The following ASB6 variants were observed in gnomAD, a reference collection of about 807,000 sequenced individuals.
ASB6 encodes the protein ankyrin repeat and SOCS box protein 6.
In ASB6, 24 loss-of-function variants were observed where a neutral mutation model predicts 28.6. The observed-to-expected ratio is 0.84, with a 90% CI of 0.61 to 1.18. The LOEUF (loss-of-function observed/expected upper bound fraction) is 1.18. Ranked by LOEUF, ASB6 falls within the 50% of genes most tolerant of loss-of-function variation. The pLI is 0.00. For missense variants in ASB6, 519 were observed against 559.8 expected, an observed-to-expected ratio of 0.93 and a Z score of 0.74; for synonymous variants, 267 against 243.4, an observed-to-expected ratio of 1.10 and a Z score of -0.90.
In ASB6 at chr9:129,641,799, G is replaced by C. The variant is rs1396285680; in HGVS notation, c.113+88C>G. On this transcript the variant is annotated intron_variant, in intron 1 of 5. Transcript: ENST00000277458. Reference sequence around the variant, plus strand: ...CGTCCCTTCCTCTGTCAAGGGGGACGCATCCACCCCGCCCGGCTTGTGGTG... The same window carrying C: ...CGTCCCTTCCTCTGTCAAGGGGGACCCATCCACCCCGCCCGGCTTGTGGTG... 3.1e-6 allele frequency: 4 copies of C among 1,304,618 alleles called. No homozygotes were observed. The African/African-American group carries it at 4.7e-5, about 15-fold the overall frequency. The allele number at this position is 1,304,618 out of a possible 1,614,324, so 80.8% of individuals were successfully genotyped here.
At position 129,635,294 on chromosome 9, in the gene ASB6, A is replaced by G. The variant is rs1319090416; in HGVS notation, c.*2496T>C. On this transcript the variant is annotated 3_prime_UTR_variant, in exon 6 of 6. Coordinates refer to ENST00000277458, the MANE Select transcript of ASB6 (RefSeq NM_017873.4). ...CAACGGCATCATCGTCATCAAAGACAACATGGCCCAGGAGGGCGTGATTCT... is the reference window on the plus strand; with the variant it reads ...CAACGGCATCATCGTCATCAAAGACGACATGGCCCAGGAGGGCGTGATTCT... 1.2e-6 allele frequency: 2 copies of G among 1,613,788 alleles called. No individual in the cohort carries two copies. The highest frequency in any genetic ancestry group is 1.7e-6 in the Non-Finnish European group (2 of 1,180,022).
At position 129,639,429 on chromosome 9, in the gene ASB6, G is replaced by T; in HGVS notation, c.375C>A (p.His125Gln). 1 of 1,613,490 alleles carries T rather than the reference G, an allele frequency of 6.2e-7. No homozygotes were observed. The highest frequency in any genetic ancestry group is 8.5e-7 in the Non-Finnish European group (1 of 1,179,602). ...GGTCCCTCCGATTAACGTCGGCCCC[G>T]TGATGCACCAGCAGCTCCACCATGT... is the stretch of plus-strand genomic sequence containing the variant. The part of the protein sequence containing the change: ...QPDMVELLVH[H>Q]GADVNRRDRI... Residue 125 changes from histidine to glutamine, a missense_variant, in exon 3 of 6, where the codon CAC becomes CAA. Physicochemically the swap from His to Gln is conservative, Grantham distance 24. Coordinates refer to ENST00000277458, the MANE Select transcript of ASB6 (RefSeq NM_017873.4).
In ASB6 at chr9:129,637,852, G is replaced by A; in HGVS notation, c.1204C>T (p.Pro402Ser). 2 of 1,529,828 alleles carry A rather than the reference G, an allele frequency of 1.3e-6. No homozygotes were observed. The highest frequency in any genetic ancestry group is 1.8e-6 in the Non-Finnish European group (2 of 1,139,296). The allele number at this position is 1,529,828 out of a possible 1,614,324, so 94.8% of individuals were successfully genotyped here. A position where few individuals can be genotyped will look rare whatever the true frequency, so the allele number is the denominator to read the frequency against. The change falls in exon 6 of 6, where the codon CCC (proline) becomes TCC (serine). Residue 402 changes from proline to serine, a missense_variant. Physicochemically the swap from Pro to Ser is moderately conservative, Grantham distance 74 (BLOSUM62 -1). Transcript: ENST00000277458. ...AGGAGGTACCACTTCAGCCTGTCGG[G>A]CAGAGGCAGGGCTTTGACCTTCACA... ...VDVKVKALPL[P>S]DRLKWYLLSE...
Position 129,638,613 on chromosome 9 carries a change from C to A in ASB6, c.558G>T (p.Gln186His), listed in dbSNP as rs1831617037. The change falls in exon 5 of 6, where the codon CAG becomes CAT. Residue 186 changes from glutamine to histidine, a missense_variant. Transcript: ENST00000277458. ...GACGAATGTTCTCAGTATTGTGGAT[C>A]TGCACCCCGTCGCTGCTGGCCAGAG... ...LHALASSDGV[Q>H]IHNTENIRLL... 6.2e-7 allele frequency: 1 copy of A among 1,613,846 alleles called. No individual in the cohort carries two copies. The highest frequency in any genetic ancestry group is 8.5e-7 in the Non-Finnish European group (1 of 1,179,940).
In ASB6 at chr9:129,635,466, C is replaced by G. The variant is rs762457236; in HGVS notation, c.*2324G>C. The G allele has an allele frequency of 5.0e-6, 8 of 1,603,128 alleles. No individual in the cohort carries two copies. The South Asian group carries it at 8.8e-5, about 18-fold the overall frequency. On this transcript the variant is annotated 3_prime_UTR_variant, in exon 6 of 6. Coordinates refer to ENST00000277458, the MANE Select transcript of ASB6 (RefSeq NM_017873.4). ...GTCTATAGCTTTGCCCTGAGATGAGCCGGGGCTGGCAGGAGAAACTGAGGA... is the reference window on the plus strand; with the variant it reads ...GTCTATAGCTTTGCCCTGAGATGAGGCGGGGCTGGCAGGAGAAACTGAGGA...
At position 129,638,003 on chromosome 9, in the gene ASB6, C is replaced by T; in HGVS notation, c.1053G>A (p.Val351=). 2 of 1,613,026 alleles carry T rather than the reference C, an allele frequency of 1.2e-6. No individual in the cohort carries two copies. The highest frequency in any genetic ancestry group is 8.5e-7 in the Non-Finnish European group (1 of 1,179,438). The change falls in exon 6 of 6, where the codon GTG becomes GTA. Residue 351 remains valine (V), a synonymous_variant. Transcript: ENST00000277458. Reference sequence around the variant, plus strand: ...CCTGGATCTTTTCCGCCAGGCTGCCCACAGGGTGGATATCGAAGTTTTCGG... The same window carrying T: ...CCTGGATCTTTTCCGCCAGGCTGCCTACAGGGTGGATATCGAAGTTTTCGG... The part of the protein sequence containing the change: ...QLPENFDIHP[V]GSLAEKIQAL...
At chr9:129,640,814 C>T in intron 1 of ASB6, 92 bp from the exon 2 acceptor site, 2 of 1,458,776 alleles carry the variant, frequency 1.4e-6, no homozygotes, top group Middle Eastern at 2.2e-4. Context: ...CTGCTATCAT[C>T]ATCAGCAAGC....
rs777541824 is a variant in ASB6, at chr9:129,638,347, G to A, written c.709C>T (p.Arg237Cys). Residue 237 changes from arginine to cysteine, a missense_variant, in exon 6 of 6, where the codon CGC (arginine) becomes TGC (cysteine). Physicochemically the swap from Arg to Cys is radical, Grantham distance 180 (BLOSUM62 -3). Transcript: ENST00000277458. ...GDKEEAQMIN[R>C]FCFQVTRLLL... The stretch of plus-strand genomic sequence containing the variant: ...AGCCGTGTGACTTGGAAGCAGAAGC[G>A]GTTGATCATCTGGGCCTCCTCTTTG... 22 of 1,613,000 alleles carry A rather than the reference G, an allele frequency of 1.4e-5. No individual in the cohort carries two copies. The highest frequency in any genetic ancestry group is 2.2e-5 in the South Asian group (2 of 91,092).
rs772988309 is a variant in ASB6 at position 129,635,165 on chromosome 9, C to A, written c.*2625G>T. The A allele has an allele frequency of 6.3e-7, 1 of 1,581,276 alleles. No individual in the cohort carries two copies. Among genetic ancestry groups the A allele is most frequent in the Non-Finnish European group, 8.6e-7 (1 of 1,167,814 alleles). On this transcript the variant is annotated 3_prime_UTR_variant, in exon 6 of 6. Coordinates refer to ENST00000277458, the MANE Select transcript of ASB6 (RefSeq NM_017873.4). Reference sequence around the variant, plus strand: ...GTACATCCCATCCAGTGCCGACATCCGCTTGCATGGTGCCCTGGTAACCTT... The same window carrying A: ...GTACATCCCATCCAGTGCCGACATCAGCTTGCATGGTGCCCTGGTAACCTT...
chr9:129,639,153 A>G (rs754181163), intron 4 of ASB6, 49 bp downstream of exon 4: 3 of 1,536,130 alleles, frequency 2.0e-6, no homozygotes, highest in East Asian at 4.5e-5. Context: ...TGTCCCCCAC[A>G]AGGTGCCTGG....
At position 129,639,200 on chromosome 9, in the gene ASB6, A is replaced by G; in HGVS notation, c.511+2T>C. The G allele has an allele frequency of 1.2e-6, 2 of 1,602,940 alleles. No homozygotes were observed. The highest frequency in any genetic ancestry group is 1.7e-6 in the Non-Finnish European group (2 of 1,174,068). On this transcript the variant is annotated splice_donor_variant, in intron 4 of 5. Coordinates refer to ENST00000277458, the MANE Select transcript of ASB6 (RefSeq NM_017873.4). LOFTEE classifies it high-confidence loss of function. ...TCCTGCTTTCCTGCAGGAGGCACCC[A>G]CCATGCTTGTCAGCGGCATTGACAT...
rs779451305 is a variant in ASB6 at position 129,635,304 on chromosome 9, A to AGGAGGGCGTGATTCT, written c.*2471_*2485dup. The AGGAGGGCGTGATTCT allele has an allele frequency of 6.2e-7, 1 of 1,613,840 alleles. No homozygotes were observed. The highest frequency in any genetic ancestry group is 8.5e-7 in the Non-Finnish European group (1 of 1,180,036). On this transcript the variant is annotated 3_prime_UTR_variant, in exon 6 of 6. Coordinates refer to ENST00000277458, the MANE Select transcript of ASB6 (RefSeq NM_017873.4). Reference sequence around the variant, plus strand: ...ATCGTCATCAAAGACAACATGGCCCAGGAGGGCGTGATTCTGGACGACGTG... The same window carrying AGGAGGGCGTGATTCT: ...ATCGTCATCAAAGACAACATGGCCCAGGAGGGCGTGATTCTGGAGGGCGTGATTCTGGACGACGTG...
chr9:129,638,988 T>C lies in ASB6; in HGVS notation c.511+214A>G, dbSNP rs1588150146. Among the ~76,000 whole-genome samples the C allele has an allele frequency of 3.3e-5, 5 of 152,376 alleles. 1 individual carries two copies. Among genetic ancestry groups the C allele is most frequent in the African/African-American group, 1.2e-4 (5 of 41,590 alleles). On this transcript the variant is annotated intron_variant, in intron 4 of 5. Transcript: ENST00000277458. ...CCCTATTTCTTCCTATAGAAGGCCC[T>C]TGAGGGCCAGCACAGGGACAATGAC...
chr9:129,641,031 C>A (rs915219773), intron 1 of ASB6: 20 of 317,868 alleles, frequency 6.3e-5, no homozygotes, highest in Admixed American at 3.4e-4. Context: ...CTGAAGGGAC[C>A]ACCAGCCTGG....
At position 129,637,233 on chromosome 9, in the gene ASB6, C is replaced by T. The variant is rs557831190; in HGVS notation, c.*557G>A. 1 of 152,366 alleles carries T rather than the reference C, an allele frequency of 6.6e-6. No homozygotes were observed. The highest frequency in any genetic ancestry group is 2.4e-5 in the African/African-American group (1 of 41,584). The allele number at this position is 152,366 out of a possible 1,614,324, so 9.4% of individuals were successfully genotyped here. On this transcript the variant is annotated 3_prime_UTR_variant, in exon 6 of 6. Transcript: ENST00000277458. ...TGACCTGGCCCCAGAGCTACAGGAA[C>T]AGGCAGGGGCCAGCTTGGCTTGCAA...
In ASB6 at chr9:129,635,812, C is replaced by G. The variant is rs1467855722; in HGVS notation, c.*1978G>C. The stretch of plus-strand genomic sequence containing the variant: ...CCAGCCCGGCCTTCCAGCCATGGGC[C>G]TGGCTGCCTGAAGAGGAAGGAAACC... On this transcript the variant is annotated 3_prime_UTR_variant, in exon 6 of 6. Coordinates refer to ENST00000277458, the MANE Select transcript of ASB6 (RefSeq NM_017873.4). 1 of 247,698 alleles carries G rather than the reference C, an allele frequency of 4.0e-6. No homozygotes were observed. The highest frequency in any genetic ancestry group is 7.9e-6 in the Non-Finnish European group (1 of 127,104). The allele number at this position is 247,698 out of a possible 1,614,324, so 15.3% of individuals were successfully genotyped here.
chr9:129,635,019 G>A lies in ASB6; in HGVS notation c.*2771C>T. On this transcript the variant is annotated 3_prime_UTR_variant, in exon 6 of 6. Coordinates refer to ENST00000277458, the MANE Select transcript of ASB6 (RefSeq NM_017873.4). ...ATGTGTCTTTAGGTAGATGACCTCT[G>A]AGCCACAGTTTCCTATTCTATGAAT... The A allele has an allele frequency of 1.5e-6, 1 of 671,460 alleles. No homozygotes were observed. The highest frequency in any genetic ancestry group is 2.7e-5 in the East Asian group (1 of 36,804). The allele number at this position is 671,460 out of a possible 1,614,324, so 41.6% of individuals were successfully genotyped here.
intron 4 of ASB6, 139 bp downstream of exon 4, chr9:129,639,063 G>C: frequency 2.4e-6 from 2 of 841,838 alleles, no homozygotes; most frequent in Non-Finnish European, 3.7e-6. Context: ...CAGAATCCCT[G>C]TGTGCCCAGC....
In ASB6 at chr9:129,642,053, C is replaced by T. The variant is rs1344052571; in HGVS notation, c.-54G>A. 2.0e-6 allele frequency: 3 copies of T among 1,521,960 alleles called. No individual in the cohort carries two copies. The highest frequency in any genetic ancestry group is 2.9e-5 in the African/African-American group (2 of 69,652). 94.3% of individuals were successfully genotyped at this position (1,521,960 alleles called of 1,614,324 possible). ...CGCGCTTTCTGCCGAGGCCGAGATG[C>T]CCAGACGCCGACCGGAACGCTCCGG... is the stretch of plus-strand genomic sequence containing the variant. On this transcript the variant is annotated 5_prime_UTR_variant, in exon 1 of 6. Transcript: ENST00000277458. This position sits in a 1 kb window ranked among gnomAD's most constrained non-coding sequence, Gnocchi z 4.3.
Sources: gnomAD v4.1 joint callset for allele counts (sites outside exome capture counted in the v4.1 genomes callset) on GRCh38, gnomAD v4.1.1 for gene constraint, Gnocchi (gnomAD v3.1) non-coding constraint, MANE v1.5 for transcripts, NCBI Gene and HGNC (gene_info 2026-07-23, HGNC 2026-07-21) for gene names.